Variants in TSPAN18 observed in about 807,000 individuals in gnomAD.
TSPAN18 encodes the protein tetraspanin 18.
In TSPAN18, 14 loss-of-function variants were observed where a neutral mutation model predicts 27.3. The observed-to-expected ratio is 0.51, with a 90% confidence interval of 0.34 to 0.80. The LOEUF is 0.80. TSPAN18 is among the 30% of genes least tolerant of loss of function. The probability of loss-of-function intolerance (pLI) is 0.01; values close to 1 mark genes in which losing one functional copy is unlikely to be tolerated. For synonymous variants in TSPAN18, 143 were observed against 136.5 expected, an observed-to-expected ratio of 1.05 and a Z score of -0.33; for missense variants, 268 against 323.9, an observed-to-expected ratio of 0.83 and a Z score of 1.32.
intron 1 of TSPAN18, among the ~76,000 whole-genome samples, chr11:44,762,253 G>A (rs1460437982): frequency 2.6e-5 from 4 of 152,144 alleles, no homozygotes; most frequent in African/African-American, 9.7e-5. Flanking sequence ...ATAAACAAAT[G>A]GTAAATAAAT....
chr11:44,743,323 C>T (rs188697549), intron 1 of TSPAN18, among the ~76,000 whole-genome samples: 1 of 152,260 alleles, frequency 6.6e-6, no homozygotes, highest in East Asian at 1.9e-4. Flanking sequence ...GCAGCAGGAT[C>T]AGACCAAGTG....
At chr11:44,790,269 A>T (rs1343038450) in intron 2 of TSPAN18, among the ~76,000 whole-genome samples, 2 of 138,476 alleles carry the variant, frequency 1.4e-5, no homozygotes, top group Non-Finnish European at 3.1e-5. Flanking sequence ...GTTTATGTGT[A>T]TGTGTGCATG....
At chr11:44,872,182 C>T (rs967731871) in intron 3 of TSPAN18, among the ~76,000 whole-genome samples, 11 of 152,044 alleles carry the variant, frequency 7.2e-5, no homozygotes, top group African/African-American at 1.5e-4. Context: ...CCACCTGCCT[C>T]GACCTCCCAA....
intron 5 of TSPAN18, among the ~76,000 whole-genome samples, chr11:44,912,827 A>G (rs947840720): frequency 6.7e-6 from 1 of 149,502 alleles, no homozygotes. Flanking sequence ...TGGGCGTTAC[A>G]TGTGCATGGG....
chr11:44,851,052 T>G (rs1463440442), intron 2 of TSPAN18, among the ~76,000 whole-genome samples: 2 of 152,228 alleles, frequency 1.3e-5, no homozygotes, highest in Non-Finnish European at 2.9e-5. Flanking sequence ...AACGGTTTCC[T>G]CCCTCTTGGT....
intron 2 of TSPAN18, among the ~76,000 whole-genome samples, chr11:44,849,632 G>C (rs975178392): frequency 6.6e-6 from 1 of 152,174 alleles, no homozygotes; most frequent in Non-Finnish European, 1.5e-5. Context: ...TGCAGCCCGT[G>C]GCACTGCTGC....
chr11:44,770,873 C>T (rs1349162980), intron 2 of TSPAN18, among the ~76,000 whole-genome samples: 3 of 152,116 alleles, frequency 2.0e-5, no homozygotes, highest in Admixed American at 1.3e-4. Context: ...CAAGGCCAAC[C>T]ACAGCTTCTG....
intron 2 of TSPAN18, among the ~76,000 whole-genome samples, chr11:44,812,973 G>A (rs918899061): frequency 1.3e-5 from 2 of 152,232 alleles, no homozygotes; most frequent in Non-Finnish European, 2.9e-5. Context: ...CCCTGTGTCT[G>A]TGTGCGGCTC....
intron 2 of TSPAN18, among the ~76,000 whole-genome samples, chr11:44,797,594 A>G (rs1407282067): frequency 6.6e-6 from 1 of 152,178 alleles, no homozygotes; most frequent in African/African-American, 2.4e-5. Context: ...AAACACACCT[A>G]CAGTGAACGC....
chr11:44,772,850 G>T (rs1377802321), intron 2 of TSPAN18, among the ~76,000 whole-genome samples: 1 of 151,974 alleles, frequency 6.6e-6, no homozygotes, highest in Non-Finnish European at 1.5e-5. Context: ...TAGAAACAGG[G>T]TTTCTCCGTG....
At chr11:44,906,329 G>T in intron 3 of TSPAN18, 78 bp from the exon 4 acceptor site, 1 of 1,325,672 alleles carries the variant, frequency 7.5e-7, no homozygotes. Context: ...TGGCTGCGGG[G>T]AACCCCTGGG....
intron 3 of TSPAN18, among the ~76,000 whole-genome samples, chr11:44,889,084 C>G (rs1858757511): frequency 1.3e-5 from 2 of 152,234 alleles, no homozygotes; most frequent in Non-Finnish European, 2.9e-5. Flanking sequence ...TGTAAGTTGC[C>G]TGAGGCCTCC....
intron 2 of TSPAN18, among the ~76,000 whole-genome samples, chr11:44,838,161 C>T (rs747073314): frequency 5.9e-5 from 9 of 152,064 alleles, no homozygotes; most frequent in East Asian, 1.9e-4. Flanking sequence ...AAGATATGCC[C>T]GAGACTGGGT....
intron 8 of TSPAN18, among the ~76,000 whole-genome samples, chr11:44,924,286 C>G (rs1654102831): frequency 6.6e-6 from 1 of 152,148 alleles, no homozygotes; most frequent in African/African-American, 2.4e-5. Flanking sequence ...CTTCCTAGTG[C>G]CTTACCTTCA....
In TSPAN18 at chr11:44,871,994, G is replaced by A. The variant is rs374808348; in HGVS notation, c.-11+11525G>A. On this transcript the variant is annotated intron_variant, in intron 3 of 9. Transcript: ENST00000520358. ...GCTGGAGTGCAGTGACACAATCTCG[G>A]CTCACTGCAACCTCTGCCTCCTGGG... Among the ~76,000 whole-genome samples the A allele has an allele frequency of 2.6e-4, 39 of 152,152 alleles. No homozygotes were observed. The East Asian group carries it at 3.7e-3, about 14-fold the overall frequency.
chr11:44,782,936 C>A (rs1855972427), intron 2 of TSPAN18, among the ~76,000 whole-genome samples: 1 of 152,120 alleles, frequency 6.6e-6, no homozygotes, highest in African/African-American at 2.4e-5. Flanking sequence ...TCAAGCAATT[C>A]TTGTGCCTCA....
chr11:44,809,546 G>A (rs551246486), intron 2 of TSPAN18, among the ~76,000 whole-genome samples: 4 of 152,322 alleles, frequency 2.6e-5, no homozygotes, highest in Admixed American at 6.5e-5. Flanking sequence ...ACATGGGCCC[G>A]AATAACCCAG....
At chr11:44,835,436 C>A (rs1857245006) in intron 2 of TSPAN18, among the ~76,000 whole-genome samples, 2 of 152,156 alleles carry the variant, frequency 1.3e-5, no homozygotes, top group African/African-American at 4.8e-5. Context: ...AAGCTGAGAT[C>A]TTCTTCGTAT....
chr11:44,909,566 C>T (rs373250429), intron 4 of TSPAN18, 139 bp from the exon 5 acceptor site: 50 of 805,612 alleles, frequency 6.2e-5, no homozygotes, highest in South Asian at 2.3e-4. Flanking sequence ...TGGCTCTCGC[C>T]GCAGGTGAAT....
Sources: gnomAD v4.1 joint callset for allele counts (sites outside exome capture counted in the v4.1 genomes callset) on GRCh38, gnomAD v4.1.1 for gene constraint, MANE v1.5 for transcripts, NCBI Gene and HGNC (gene_info 2026-07-23, HGNC 2026-07-21) for gene names.